HDAC5: variants seen among roughly 807,000 people sequenced by gnomAD.
The protein encoded by HDAC5 is histone deacetylase 5, also known as antigen NY-CO-9.
In HDAC5, 25 loss-of-function variants were observed where a neutral mutation model predicts 133.3. That is an observed-to-expected ratio of 0.19 (90% confidence interval 0.14 to 0.26). The LOEUF (loss-of-function observed/expected upper bound fraction) is 0.26. HDAC5 is among the 10% of genes least tolerant of loss of function. HDAC5 has a pLI of 1.00. For missense variants in HDAC5, 1,041 were observed against 1,460.5 expected, an observed-to-expected ratio of 0.71 and a Z score of 4.68; for synonymous variants, 589 against 610.8, an observed-to-expected ratio of 0.96 and a Z score of 0.53.
chr17:44,087,718 A>T, intron 12 of HDAC5, 22 bp from the exon 13 acceptor site: 1 of 1,544,766 alleles, frequency 6.5e-7, no homozygotes, highest in Non-Finnish European at 8.7e-7. Flanking sequence ...ATATGGGGGC[A>T]CATCAGCTGG....
chr17:44,123,279 G>C (rs1040580957), intron 1 of HDAC5: 4 of 313,302 alleles, frequency 1.3e-5, no homozygotes, highest in African/African-American at 8.8e-5. Context: ...CCCTGTCTGG[G>C]AGGGGCAGGG....
intron 12 of HDAC5, among the ~76,000 whole-genome samples, chr17:44,087,933 T>A (rs963130881): frequency 7.9e-5 from 12 of 152,036 alleles, no homozygotes; most frequent in Admixed American, 1.3e-4. Flanking sequence ...AACCTCCGCC[T>A]TCCAAATTCA....
intron 2 of HDAC5, chr17:44,111,466 G>A: frequency 2.4e-6 from 1 of 421,548 alleles, no homozygotes; most frequent in Non-Finnish European, 4.8e-6. Context: ...CTGGGGAAGG[G>A]CGCCGGCCAG....
intron 2 of HDAC5, chr17:44,111,673 A>T (rs2052355508): frequency 7.7e-6 from 4 of 517,310 alleles, no homozygotes; most frequent in Non-Finnish European, 1.5e-5. Context: ...AGGTTTGCTT[A>T]ACTTCTGCCC....
chr17:44,122,901 G>A (rs1435918913), intron 1 of HDAC5, among the ~76,000 whole-genome samples: 1 of 152,240 alleles, frequency 6.6e-6, no homozygotes, highest in Non-Finnish European at 1.5e-5. Flanking sequence ...GACAGGAGAA[G>A]AGGGTGGCAA....
At chr17:44,090,747 T>C (rs577344611) in intron 11 of HDAC5, among the ~76,000 whole-genome samples, 1 of 152,062 alleles carries the variant, frequency 6.6e-6, no homozygotes, top group East Asian at 1.9e-4. Context: ...TGGAGTGCAG[T>C]GGCACGATCT....
intron 3 of HDAC5, among the ~76,000 whole-genome samples, chr17:44,101,221 C>T (rs548225280): frequency 4.6e-5 from 7 of 150,814 alleles, no homozygotes; most frequent in East Asian, 2.0e-4. Context: ...CTGGCTAACA[C>T]GGTGAAACAC....
chr17:44,094,758 A>G (rs1183930040), intron 3 of HDAC5, among the ~76,000 whole-genome samples: 3 of 151,908 alleles, frequency 2.0e-5, no homozygotes, highest in African/African-American at 7.3e-5. Context: ...GTGTGTGTAT[A>G]TATATATATA....
chr17:44,107,481 G>C (rs1416105232), intron 3 of HDAC5, among the ~76,000 whole-genome samples: 1 of 151,872 alleles, frequency 6.6e-6, no homozygotes, highest in African/African-American at 2.4e-5. Context: ...GGTGGCGTGT[G>C]CCTGTAGTCC....
In HDAC5 at chr17:44,092,665, G is replaced by A. The variant is rs1000645913; in HGVS notation, c.772+11C>T. 3 of 1,525,832 alleles carry A rather than the reference G, an allele frequency of 2.0e-6. No individual in the cohort carries two copies. The highest frequency in any genetic ancestry group is 2.6e-6 in the Non-Finnish European group (3 of 1,134,658). 94.5% of individuals were successfully genotyped at this position (1,525,832 alleles called of 1,614,324 possible). A position where few individuals can be genotyped will look rare whatever the true frequency, so the allele number is the denominator to read the frequency against. ...CCATATTCTGGGAGGCCAGGTGGGGGACTCACTCACCTGTTTTGCGGAGGG... is the reference window on the plus strand; with the variant it reads ...CCATATTCTGGGAGGCCAGGTGGGGAACTCACTCACCTGTTTTGCGGAGGG... On this transcript the variant is annotated intron_variant, in intron 7 of 26. Coordinates refer to ENST00000682912, the MANE Select transcript of HDAC5 (RefSeq NM_005474.5).
chr17:44,086,086 C>T (rs1349988769), intron 14 of HDAC5, among the ~76,000 whole-genome samples: 1 of 152,202 alleles, frequency 6.6e-6, no homozygotes, highest in African/African-American at 2.4e-5. Context: ...AGCTGTGCCT[C>T]CTCAGCTGCA....
At chr17:44,116,909 G>A (rs2052683118) in intron 2 of HDAC5, among the ~76,000 whole-genome samples, 1 of 152,078 alleles carries the variant, frequency 6.6e-6, no homozygotes, top group Admixed American at 6.5e-5. Context: ...CATATGAAGG[G>A]CCCAAGAGGA....
At chr17:44,116,843 AG>A (rs1343199841) in intron 2 of HDAC5, among the ~76,000 whole-genome samples, 1 of 152,124 alleles carries the variant, frequency 6.6e-6, no homozygotes, top group Non-Finnish European at 1.5e-5. Flanking sequence ...ACAGGGTCCT[AG>A]GAACAAAGAG....
intron 18 of HDAC5, among the ~76,000 whole-genome samples, chr17:44,083,042 G>A (rs117114632): frequency 0.02 from 3,008 of 152,194 alleles, 52 homozygotes; most frequent in Middle Eastern, 0.037. Flanking sequence ...GCAGTGGCGC[G>A]ATCATGGCTC....
At chr17:44,096,605 C>T (rs2051288419) in intron 3 of HDAC5, among the ~76,000 whole-genome samples, 1 of 145,116 alleles carries the variant, frequency 6.9e-6, no homozygotes, top group Non-Finnish European at 1.5e-5. Context: ...CCGCAAGTAG[C>T]TGGGATTACA....
In HDAC5 at chr17:44,088,356, A is replaced by G. The variant is rs548624962; in HGVS notation, c.1599+31T>C. 5.8e-6 allele frequency: 9 copies of G among 1,541,448 alleles called. No individual in the cohort carries two copies. In the African/African-American group the frequency reaches 1.2e-4, roughly 21 times the overall value. On this transcript the variant is annotated intron_variant, in intron 12 of 26. Transcript: ENST00000682912. ...CTCTCCTGTGTCCTGCCCCCACCAC[A>G]GCCCCAGGCCATTCACCTTTCCAGG...
At chr17:44,114,441 G>A (rs895200360) in intron 2 of HDAC5, among the ~76,000 whole-genome samples, 41 of 151,802 alleles carry the variant, frequency 2.7e-4, no homozygotes, top group Admixed American at 1.1e-3. Flanking sequence ...CAGGCGTGGG[G>A]GGGGGGGGCT....
In HDAC5 at chr17:44,085,153, C is replaced by A. The variant is rs1232601197; in HGVS notation, c.2053G>T (p.Val685Leu). ...QPVKHLFTTGVVYDTFMLKHQ... is the reference protein window; with the variant it reads ...QPVKHLFTTGLVYDTFMLKHQ... Reference sequence around the variant, plus strand: ...TTTAGCATGAACGTGTCGTAGACCACACCTGGGCCACAGACCTATGTGTCA... The same window carrying A: ...TTTAGCATGAACGTGTCGTAGACCAAACCTGGGCCACAGACCTATGTGTCA... The change falls in exon 15 of 27, where the codon GTG becomes TTG. Residue 685 changes from valine (V) to leucine (L), a missense_variant and splice_region_variant. By Grantham distance (32) the Val-to-Leu change is conservative. Around this residue, in one of 9 missense-constraint regions of HDAC5, gnomAD observed 42 missense variants for 101.7 expected, o/e 0.41. Coordinates refer to ENST00000682912, the MANE Select transcript of HDAC5 (RefSeq NM_005474.5). 1 of 1,589,642 alleles carries A rather than the reference C, an allele frequency of 6.3e-7. No individual in the cohort carries two copies. Among genetic ancestry groups the A allele is most frequent in the South Asian group, 1.1e-5 (1 of 90,254 alleles).
In HDAC5 at chr17:44,101,901, G is replaced by A. The variant is rs1199973459; in HGVS notation, c.95-8067C>T. Among the ~76,000 whole-genome samples, 3 of 151,994 alleles carry A rather than the reference G, an allele frequency of 2.0e-5. No individual in the cohort carries two copies. The South Asian group carries it at 6.2e-4, about 32-fold the overall frequency. ...GATGAGGTAGGGGGAGGGGGGCAGG[G>A]AAGGATGTACAAGGGCTGGTGTTCA... On this transcript the variant is annotated intron_variant, in intron 3 of 26. Transcript: ENST00000682912.
Sources: allele counts gnomAD v4.1 joint callset (sites outside exome capture counted in the v4.1 genomes callset), GRCh38; gene constraint gnomAD v4.1.1; regional missense constraint gnomAD v4.1.1; transcripts MANE v1.5; gene names NCBI Gene and HGNC (gene_info 2026-07-23, HGNC 2026-07-21).